Variants in GJA1 observed in about 807,000 individuals in gnomAD.
The protein encoded by GJA1 is gap junction alpha-1 protein.
Under a neutral mutation model 31.0 loss-of-function variants are expected in GJA1, and 9 were observed. The observed-to-expected ratio is 0.29, with a 90% confidence interval of 0.17 to 0.51. GJA1 has a LOEUF of 0.51. GJA1 is among the 20% of genes least tolerant of loss of function. The pLI is 0.98. For missense variants in GJA1, 278 were observed against 468.8 expected, an observed-to-expected ratio of 0.59 and a Z score of 3.76; for synonymous variants, 186 against 180.1, an observed-to-expected ratio of 1.03 and a Z score of -0.26.
chr6:121,442,442 T>G (rs756384324), intron 1 of GJA1, among the ~76,000 whole-genome samples: 2 of 152,192 alleles, frequency 1.3e-5, no homozygotes, highest in Non-Finnish European at 2.9e-5. Flanking sequence ...GATGGAGATG[T>G]AAGGAGTGAC....
intron 1 of GJA1, among the ~76,000 whole-genome samples, chr6:121,446,585 G>T (rs944407537): frequency 4.6e-5 from 7 of 152,212 alleles, no homozygotes; most frequent in African/African-American, 1.7e-4. Flanking sequence ...CCAGGTTAAA[G>T]ACTGCAACTC....
intron 1 of GJA1, among the ~76,000 whole-genome samples, chr6:121,442,080 T>G (rs1207591731): frequency 2.0e-5 from 3 of 152,224 alleles, no homozygotes; most frequent in African/African-American, 7.2e-5. Context: ...TAGACTCTGA[T>G]TTTATTCTTT....
At chr6:121,443,733 C>T (rs1773837285) in intron 1 of GJA1, among the ~76,000 whole-genome samples, 1 of 152,068 alleles carries the variant, frequency 6.6e-6, no homozygotes, top group Admixed American at 6.6e-5. Flanking sequence ...ATGATGAAAT[C>T]CTAGCTAAAA....
rs1773651419 is a variant in GJA1, at chr6:121,435,799, A to C, written c.-50A>C. 2.6e-5 allele frequency: 4 copies of C among 152,180 alleles called. No homozygotes were observed. Among genetic ancestry groups the C allele is most frequent in the Admixed American group, 2.6e-4 (4 of 15,274 alleles). 9.4% of individuals were successfully genotyped at this position (152,180 alleles called of 1,614,324 possible). On this transcript the variant is annotated 5_prime_UTR_variant, in exon 1 of 2. Transcript: ENST00000282561. ...ACTTCATCCTCCAAGGAGTTCAATC[A>C]CTTGGCGTGACTTCACTACTTTTAA...
chr6:121,444,070 GT>G (rs879743010), intron 1 of GJA1, among the ~76,000 whole-genome samples: 63 of 151,140 alleles, frequency 4.2e-4, no homozygotes, highest in African/African-American at 1.4e-3. Flanking sequence ...AAATTGTAGG[GT>G]TTTTTTTTCT....
Position 121,448,261 on chromosome 6 carries a change from C to A in GJA1, c.*265C>A, listed in dbSNP as rs1007597789. Reference sequence around the variant, plus strand: ...AGAACTTAGATTATAAATAAGAGTTCCATTAGGTGATACATAGATAAGGGC... The same window carrying A: ...AGAACTTAGATTATAAATAAGAGTTACATTAGGTGATACATAGATAAGGGC... On this transcript the variant is annotated 3_prime_UTR_variant, in exon 2 of 2. Coordinates refer to ENST00000282561, the MANE Select transcript of GJA1 (RefSeq NM_000165.5). The A allele has an allele frequency of 7.6e-6, 4 of 529,744 alleles. No individual in the cohort carries two copies. The Admixed American group carries it at 9.6e-5, about 13-fold the overall frequency. 32.8% of individuals were successfully genotyped at this position (529,744 alleles called of 1,614,324 possible). A position where few individuals can be genotyped will look rare whatever the true frequency, so the allele number is the denominator to read the frequency against.
intron 1 of GJA1, among the ~76,000 whole-genome samples, chr6:121,438,331 C>T (rs1705440351): frequency 6.6e-6 from 1 of 152,180 alleles, no homozygotes. Context: ...CCCTTGGCGA[C>T]TGTGATACCA....
intron 1 of GJA1, among the ~76,000 whole-genome samples, chr6:121,438,858 TTAAC>T (rs1773715740): frequency 6.6e-6 from 1 of 152,220 alleles, no homozygotes. Context: ...AAGTCACCTT[TTAAC>T]TATGTATGTA....
intron 1 of GJA1, among the ~76,000 whole-genome samples, chr6:121,444,456 A>G (rs1471525980): frequency 6.6e-6 from 1 of 152,186 alleles, no homozygotes; most frequent in Non-Finnish European, 1.5e-5. Flanking sequence ...TTTATGGCTC[A>G]GCCATCTCTT....
chr6:121,443,784 G>C (rs958760413), intron 1 of GJA1, among the ~76,000 whole-genome samples: 2 of 152,142 alleles, frequency 1.3e-5, no homozygotes, highest in African/African-American at 2.4e-5. Flanking sequence ...GATATGATAG[G>C]TTTGTCTTCA....
At position 121,448,221 on chromosome 6, in the gene GJA1, AAGT is replaced by A; in HGVS notation, c.*229_*231del. 1 of 595,246 alleles carries A rather than the reference AAGT, an allele frequency of 1.7e-6. No homozygotes were observed. The highest frequency in any genetic ancestry group is 2.0e-5 in the South Asian group (1 of 49,584). The allele number at this position is 595,246 out of a possible 1,614,324, so 36.9% of individuals were successfully genotyped here. A position where few individuals can be genotyped will look rare whatever the true frequency, so the allele number is the denominator to read the frequency against. Reference sequence around the variant, plus strand: ...TAAGAGAGGTGCATGTTGGTATTTAAAGTAGTGGATTCAAAGAACTTAGATTAT... The same window carrying A: ...TAAGAGAGGTGCATGTTGGTATTTAAAGTGGATTCAAAGAACTTAGATTAT... On this transcript the variant is annotated 3_prime_UTR_variant, in exon 2 of 2. Transcript: ENST00000282561.
chr6:121,438,342 A>G (rs1177268326), intron 1 of GJA1, among the ~76,000 whole-genome samples: 1 of 152,182 alleles, frequency 6.6e-6, no homozygotes, highest in African/African-American at 2.4e-5. Flanking sequence ...TGTGATACCA[A>G]CAATGCTGTC....
chr6:121,438,836 A>T (rs1318278840), intron 1 of GJA1, among the ~76,000 whole-genome samples: 1 of 151,024 alleles, frequency 6.6e-6, no homozygotes, highest in Non-Finnish European at 1.5e-5. Flanking sequence ...TAATTGTCTA[A>T]ACCTCCATCT....
At chr6:121,440,145 G>A (rs2114273231) in intron 1 of GJA1, among the ~76,000 whole-genome samples, 1 of 152,046 alleles carries the variant, frequency 6.6e-6, no homozygotes, top group Middle Eastern at 3.4e-3. Context: ...ATAAAATTGT[G>A]TGGTGCAATC....
In GJA1 at chr6:121,447,563, G is replaced by A. The variant is rs764670582; in HGVS notation, c.716G>A (p.Arg239Gln). ...FYVFFKGVKD[R>Q]VKGKSDPYHA... Reference sequence around the variant, plus strand: ...GTTTTCTTCAAGGGCGTTAAGGATCGGGTTAAGGGAAAGAGCGACCCTTAC... The same window carrying A: ...GTTTTCTTCAAGGGCGTTAAGGATCAGGTTAAGGGAAAGAGCGACCCTTAC... Residue 239 changes from arginine (R) to glutamine (Q), a missense_variant, in exon 2 of 2, where the codon CGG (arginine) becomes CAG (glutamine). Arg to Gln is a conservative substitution (Grantham distance 43, BLOSUM62 1). Coordinates refer to ENST00000282561, the MANE Select transcript of GJA1 (RefSeq NM_000165.5). 17 of 1,613,912 alleles carry A rather than the reference G, an allele frequency of 1.1e-5. No individual in the cohort carries two copies. Among genetic ancestry groups the A allele is most frequent in the Admixed American group, 1.0e-4 (6 of 60,004 alleles).
At chr6:121,441,128 AT>A (rs1188797106) in intron 1 of GJA1, among the ~76,000 whole-genome samples, 4 of 151,770 alleles carry the variant, frequency 2.6e-5, no homozygotes, top group Admixed American at 2.0e-4. Context: ...TATTTTTTTT[AT>A]TTTTAGTAGA....
intron 1 of GJA1, among the ~76,000 whole-genome samples, 176 bp downstream of exon 1, chr6:121,436,008 A>T (rs867536710): frequency 6.6e-6 from 1 of 152,128 alleles, no homozygotes; most frequent in Non-Finnish European, 1.5e-5. Context: ...TACCAAATAT[A>T]TATTTTGACT....
At chr6:121,437,283 C>T (rs1447622882) in intron 1 of GJA1, among the ~76,000 whole-genome samples, 1 of 151,688 alleles carries the variant, frequency 6.6e-6, no homozygotes, top group Non-Finnish European at 1.5e-5. Flanking sequence ...GGGCTGGGTG[C>T]CAAATGGTAG....
chr6:121,436,174 A>T (rs1773658380), intron 1 of GJA1, among the ~76,000 whole-genome samples: 1 of 46,660 alleles, frequency 2.1e-5, no homozygotes, highest in Non-Finnish European at 3.3e-5. Flanking sequence ...AGGTGCTATC[A>T]TTTGTTGGGT....
Sources: allele counts gnomAD v4.1 joint callset (sites outside exome capture counted in the v4.1 genomes callset), GRCh38; gene constraint gnomAD v4.1.1; transcripts MANE v1.5; gene names NCBI Gene and HGNC (gene_info 2026-07-23, HGNC 2026-07-21).